The following DNAJB6 variants were observed in gnomAD, a reference collection of about 807,000 sequenced individuals.
DNAJB6 encodes the protein dnaJ homolog subfamily B member 6.
DNAJB6 carries 16 observed loss-of-function variants against 42.7 expected under a neutral mutation model. That is an observed-to-expected ratio of 0.37 (90% CI 0.25 to 0.57). The LOEUF is 0.57. Among genes scored for constraint, DNAJB6 ranks in the 20% least tolerant of loss-of-function variants. The pLI is 0.74. For synonymous variants in DNAJB6, 170 were observed against 163.5 expected, an observed-to-expected ratio of 1.04 and a Z score of -0.30; for missense variants, 347 against 416.8, an observed-to-expected ratio of 0.83 and a Z score of 1.46.
chr7:157,344,893 A>T (rs1324310767), intron 1 of DNAJB6, among the ~76,000 whole-genome samples: 1 of 152,010 alleles, frequency 6.6e-6, no homozygotes, highest in African/African-American at 2.4e-5. Flanking sequence ...GATTACAGGC[A>T]TGAGCTACTG....
chr7:157,413,780 TG>T (rs1458468625), intron 9 of DNAJB6: 1 of 147,654 alleles, frequency 6.8e-6, no homozygotes, highest in East Asian at 2.0e-4. Flanking sequence ...TGGAGTGCAG[TG>T]GCGTGATCTC....
Position 157,409,850 on chromosome 7 carries a change from C to T in DNAJB6, c.747C>T (p.Ala249=), listed in dbSNP as rs1190719901. The change falls in exon 9 of 10, where the codon GCC becomes GCT. Residue 249 remains alanine, a synonymous_variant. Coordinates refer to ENST00000262177, the MANE Select transcript of DNAJB6 (RefSeq NM_058246.4). ...AEERMRRGQN[A]LPAQPAGLRP... is the part of the protein sequence containing the mutation. ...AGCGCATGCGGAGAGGCCAGAACGC[C>T]CTGCCAGCCCAGCCTGCCGGCCTCC... 2 of 1,533,596 alleles carry T rather than the reference C, an allele frequency of 1.3e-6. No homozygotes were observed. Among genetic ancestry groups the T allele is most frequent in the Admixed American group, 2.0e-5 (1 of 50,894 alleles). The allele number at this position is 1,533,596 out of a possible 1,614,324, so 95.0% of individuals were successfully genotyped here. A position where few individuals can be genotyped will look rare whatever the true frequency, so the allele number is the denominator to read the frequency against.
intron 5 of DNAJB6, among the ~76,000 whole-genome samples, chr7:157,373,631 G>A (rs866106001): frequency 2.0e-5 from 3 of 152,166 alleles, no homozygotes; most frequent in Non-Finnish European, 4.4e-5. Context: ...GATTACATGC[G>A]TGAGCCACCA....
intron 5 of DNAJB6, chr7:157,372,128 A>G (rs1385884102): frequency 2.6e-5 from 4 of 152,692 alleles, no homozygotes; most frequent in African/African-American, 9.6e-5. Context: ...GATAGTAGTC[A>G]GTCATTTTAC....
intron 1 of DNAJB6, among the ~76,000 whole-genome samples, chr7:157,353,253 T>C (rs997668303): frequency 6.6e-6 from 1 of 152,050 alleles, no homozygotes; most frequent in Non-Finnish European, 1.5e-5. Flanking sequence ...GTCCTTTTGA[T>C]GTACACTTCG....
chr7:157,381,431 T>C (rs1049547428), intron 5 of DNAJB6: 4 of 152,190 alleles, frequency 2.6e-5, no homozygotes, highest in African/African-American at 9.7e-5. Context: ...AAAAGGTTTG[T>C]ATGCTTTATG....
intron 9 of DNAJB6, 38 bp from the exon 10 acceptor site, chr7:157,415,978 C>T (rs1216997072): frequency 6.2e-7 from 1 of 1,613,858 alleles, no homozygotes; most frequent in Non-Finnish European, 8.5e-7. Context: ...GGAAGCAGTG[C>T]TGTTCCGTAC....
At chr7:157,401,264 C>A (rs1342577302) in intron 8 of DNAJB6, among the ~76,000 whole-genome samples, 3 of 152,048 alleles carry the variant, frequency 2.0e-5, no homozygotes, top group Non-Finnish European at 2.9e-5. Context: ...TGTTGCCTAG[C>A]CTGGAGTGCG....
chr7:157,390,809 G>A (rs1191775887), intron 8 of DNAJB6, among the ~76,000 whole-genome samples: 1 of 152,150 alleles, frequency 6.6e-6, no homozygotes, highest in Non-Finnish European at 1.5e-5. Context: ...CCTGGAGCAT[G>A]CATTCATTCA....
In DNAJB6 at chr7:157,396,875, G is replaced by A. The variant is rs368255824; in HGVS notation, c.691+11264G>A. Among the ~76,000 whole-genome samples the A allele has an allele frequency of 1.6e-3, 245 of 152,072 alleles. 2 individuals carry two copies. Among genetic ancestry groups the A allele is most frequent in the Admixed American group, 4.7e-3 (72 of 15,270 alleles). On this transcript the variant is annotated intron_variant, in intron 8 of 9. Coordinates refer to ENST00000262177, the MANE Select transcript of DNAJB6 (RefSeq NM_058246.4). ...GGTTTTTCAGGCATAAACATCCACC[G>A]CCCGCCTCCTTTTCTACATGGGAAG...
intron 1 of DNAJB6, among the ~76,000 whole-genome samples, chr7:157,340,997 T>TGTGTGTGC (rs902019051): frequency 2.5e-4 from 30 of 118,396 alleles, no homozygotes; most frequent in South Asian, 8.1e-4. Flanking sequence ...TGTGTGTGTG[T>TGTGTGTGC]GCGCGCGCGC....
At chr7:157,338,851 G>A (rs924928702) in intron 1 of DNAJB6, among the ~76,000 whole-genome samples, 6 of 152,188 alleles carry the variant, frequency 3.9e-5, no homozygotes, top group Non-Finnish European at 7.3e-5. Context: ...AGAACAAAGG[G>A]GTTGGGAAGC....
intron 8 of DNAJB6, among the ~76,000 whole-genome samples, chr7:157,390,310 C>T (rs901203208): frequency 2.0e-5 from 3 of 152,370 alleles, no homozygotes; most frequent in African/African-American, 2.4e-5. Flanking sequence ...ATTCTCCACT[C>T]CTGGGAGCCC....
rs1251655170 is a variant in DNAJB6, at chr7:157,416,680, T to C, written c.*582T>C. On this transcript the variant is annotated 3_prime_UTR_variant, in exon 10 of 10. Coordinates refer to ENST00000262177, the MANE Select transcript of DNAJB6 (RefSeq NM_058246.4). ...CTTCTGTTTACTCTTTTAATTTTCA[T>C]CCTTTGCAGGTAGTGCAAATTCAAC... The C allele has an allele frequency of 1.3e-5, 2 of 152,316 alleles. No individual in the cohort carries two copies. Among genetic ancestry groups the C allele is most frequent in the African/African-American group, 2.4e-5 (1 of 41,470 alleles). 9.4% of individuals were successfully genotyped at this position (152,316 alleles called of 1,614,324 possible). A position where few individuals can be genotyped will look rare whatever the true frequency, so the allele number is the denominator to read the frequency against.
chr7:157,385,699 G>A, intron 8 of DNAJB6, 88 bp downstream of exon 8: 4 of 1,573,046 alleles, frequency 2.5e-6, no homozygotes, highest in Non-Finnish European at 3.4e-6. Flanking sequence ...ACCATTTGAG[G>A]ATTAACAGGA....
intron 8 of DNAJB6, 152 bp from the exon 9 acceptor site, chr7:157,409,643 C>T (rs1327423361): frequency 2.3e-6 from 2 of 873,896 alleles, no homozygotes; most frequent in Admixed American, 3.1e-5. Flanking sequence ...CCAGTGGCGC[C>T]ACTGAAGAAA....
chr7:157,349,942 C>T (rs558223390), intron 1 of DNAJB6, among the ~76,000 whole-genome samples: 1 of 152,266 alleles, frequency 6.6e-6, no homozygotes, highest in East Asian at 1.9e-4. Context: ...CGCGCCTGGC[C>T]AACGCCCGGC....
At chr7:157,379,510 C>G (rs919076207) in intron 5 of DNAJB6, 2 of 152,230 alleles carry the variant, frequency 1.3e-5, no homozygotes, top group African/African-American at 4.8e-5. Flanking sequence ...CACTGTCACA[C>G]TCTTACCCAG....
chr7:157,380,344 G>A (rs13438141), intron 5 of DNAJB6: 26 of 152,320 alleles, frequency 1.7e-4, no homozygotes, highest in Non-Finnish European at 3.2e-4. Context: ...TTGTGTCCTA[G>A]AGAAATTCAC....
Sources: allele counts gnomAD v4.1 joint callset (sites outside exome capture counted in the v4.1 genomes callset), GRCh38; gene constraint gnomAD v4.1.1; transcripts MANE v1.5; gene names NCBI Gene and HGNC (gene_info 2026-07-23, HGNC 2026-07-21).